The following SMYD3 variants were observed in gnomAD, a reference collection of about 807,000 sequenced individuals.
The protein encoded by SMYD3 is SET and MYND domain containing 3.
SMYD3 carries 36 observed loss-of-function variants against 57.7 expected under a neutral mutation model. The observed-to-expected ratio is 0.62, with a 90% CI of 0.48 to 0.82. The LOEUF is 0.82. Among genes scored for constraint, SMYD3 ranks in the 40% least tolerant of loss-of-function variants. SMYD3 has a pLI of 0.00. For synonymous variants in SMYD3, 211 were observed against 195.0 expected, an observed-to-expected ratio of 1.08 and a Z score of -0.68; for missense variants, 515 against 538.8, an observed-to-expected ratio of 0.96 and a Z score of 0.44.
At chr1:245,794,801 G>C (rs2047451601) in intron 10 of SMYD3, among the ~76,000 whole-genome samples, 1 of 151,982 alleles carries the variant, frequency 6.6e-6, no homozygotes, top group Admixed American at 6.6e-5. Flanking sequence ...AATGACTATA[G>C]TTTTCATTTC....
chr1:246,130,698 C>T (rs959179144), intron 5 of SMYD3, among the ~76,000 whole-genome samples: 1 of 152,180 alleles, frequency 6.6e-6, no homozygotes, highest in African/African-American at 2.4e-5. Context: ...CCAGACAGTT[C>T]TGACCTTTTT....
intron 5 of SMYD3, among the ~76,000 whole-genome samples, chr1:246,098,388 T>C (rs2060951575): frequency 6.6e-6 from 1 of 152,158 alleles, no homozygotes; most frequent in South Asian, 2.1e-4. Flanking sequence ...GTGAAGAGGG[T>C]TCAGAGAGGC....
intron 1 of SMYD3, among the ~76,000 whole-genome samples, chr1:246,429,076 C>A (rs149005536): frequency 7.4e-6 from 1 of 134,386 alleles, no homozygotes. Context: ...CACCACAGAA[C>A]CAACCACCGT....
At chr1:245,833,451 T>G (rs902556000) in intron 10 of SMYD3, among the ~76,000 whole-genome samples, 12 of 152,146 alleles carry the variant, frequency 7.9e-5, no homozygotes, top group Admixed American at 7.2e-4. Context: ...TACAATGTAC[T>G]CTGATCTGTG....
chr1:245,980,857 C>T (rs1338616571), intron 5 of SMYD3, among the ~76,000 whole-genome samples: 3 of 152,210 alleles, frequency 2.0e-5, no homozygotes, highest in African/African-American at 7.2e-5. Context: ...AACTACAGCC[C>T]ATGGTACCTC....
intron 5 of SMYD3, among the ~76,000 whole-genome samples, chr1:246,117,502 C>A (rs1418118948): frequency 6.6e-6 from 1 of 152,200 alleles, no homozygotes; most frequent in Non-Finnish European, 1.5e-5. Context: ...TTTCATATTA[C>A]AATTGAAATT....
chr1:246,079,603 C>A (rs1401362089), intron 5 of SMYD3, among the ~76,000 whole-genome samples: 18 of 152,188 alleles, frequency 1.2e-4, no homozygotes, highest in Admixed American at 5.9e-4. Flanking sequence ...ATATCATCAT[C>A]CCCCGACTGT....
intron 5 of SMYD3, among the ~76,000 whole-genome samples, chr1:246,012,530 AAC>A (rs2059302372): frequency 6.6e-6 from 1 of 152,172 alleles, no homozygotes; most frequent in Non-Finnish European, 1.5e-5. Flanking sequence ...AGGAGGCATT[AAC>A]AGTTTTGTAA....
rs1344660551 is a variant in SMYD3 at position 246,255,432 on chromosome 1, T to A, written c.531+71769A>T. Among the ~76,000 whole-genome samples the A allele has an allele frequency of 2.0e-5, 3 of 151,986 alleles. No homozygotes were observed. The East Asian group carries it at 5.8e-4, about 29-fold the overall frequency. Reference sequence around the variant, plus strand: ...AAGCTTTCTCTGCATCCATTGGGGATGATCATATGGTCTTTATTTTTAATA... The same window carrying A: ...AAGCTTTCTCTGCATCCATTGGGGAAGATCATATGGTCTTTATTTTTAATA... On this transcript the variant is annotated intron_variant, in intron 5 of 11. Transcript: ENST00000490107.
At chr1:246,294,168 C>T (rs2064749931) in intron 5 of SMYD3, among the ~76,000 whole-genome samples, 1 of 152,174 alleles carries the variant, frequency 6.6e-6, no homozygotes, top group South Asian at 2.1e-4. Flanking sequence ...CCTTCCACCT[C>T]CACAGCATTA....
intron 10 of SMYD3, among the ~76,000 whole-genome samples, chr1:245,855,011 G>A (rs34464005): frequency 0.021 from 3,236 of 152,248 alleles, 54 homozygotes; most frequent in South Asian, 0.033. Context: ...ACTCTCACAC[G>A]GAACATTTCC....
intron 5 of SMYD3, among the ~76,000 whole-genome samples, chr1:246,274,973 A>G (rs2064300975): frequency 6.6e-6 from 1 of 152,186 alleles, no homozygotes; most frequent in African/African-American, 2.4e-5. Context: ...GGGACACCTC[A>G]CAGTTGTTCC....
chr1:245,798,082 C>T (rs946693402), intron 10 of SMYD3, among the ~76,000 whole-genome samples: 3 of 142,016 alleles, frequency 2.1e-5, no homozygotes, highest in African/African-American at 8.8e-5. Flanking sequence ...AAAGTAGAAA[C>T]ATTCTTATTT....
At chr1:246,437,747 T>C (rs956130351) in intron 1 of SMYD3, among the ~76,000 whole-genome samples, 2 of 152,250 alleles carry the variant, frequency 1.3e-5, no homozygotes, top group South Asian at 2.1e-4. Context: ...ACTTAGAGTT[T>C]TGACTGTTGA....
At chr1:246,118,785 T>G (rs534454642) in intron 5 of SMYD3, among the ~76,000 whole-genome samples, 4 of 148,894 alleles carry the variant, frequency 2.7e-5, no homozygotes, top group Non-Finnish European at 6.0e-5. Flanking sequence ...TCACCAGAAC[T>G]TAAACTTAAA....
At chr1:245,971,742 A>T (rs1487113268) in intron 5 of SMYD3, among the ~76,000 whole-genome samples, 1 of 152,138 alleles carries the variant, frequency 6.6e-6, no homozygotes, top group Non-Finnish European at 1.5e-5. Context: ...TTATTTTTTT[A>T]AAAATAGCAG....
chr1:246,240,999 A>T (rs2063598487), intron 5 of SMYD3, among the ~76,000 whole-genome samples: 1 of 152,104 alleles, frequency 6.6e-6, no homozygotes, highest in African/African-American at 2.4e-5. Flanking sequence ...GGACTGAGAC[A>T]ATGGGGTTTT....
chr1:245,887,214 G>A (rs1288623768), intron 8 of SMYD3, among the ~76,000 whole-genome samples: 3 of 152,038 alleles, frequency 2.0e-5, no homozygotes, highest in Admixed American at 1.3e-4. Context: ...TACCAAAACC[G>A]AGATGGCCAT....
At chr1:245,905,476 G>A (rs762381678) in intron 8 of SMYD3, among the ~76,000 whole-genome samples, 7 of 152,342 alleles carry the variant, frequency 4.6e-5, no homozygotes, top group South Asian at 2.1e-4. Context: ...AGGTGGCTGC[G>A]GGGTGAGGCT....
Sources: allele counts gnomAD v4.1 joint callset (sites outside exome capture counted in the v4.1 genomes callset), GRCh38; gene constraint gnomAD v4.1.1; transcripts MANE v1.5; gene names NCBI Gene and HGNC (gene_info 2026-07-23, HGNC 2026-07-21).